The following CDH10 variants were observed in gnomAD, a reference collection of about 807,000 sequenced individuals.
The protein encoded by CDH10 is cadherin-10.
CDH10 carries 30 observed loss-of-function variants against 73.1 expected under a neutral mutation model. That is an observed-to-expected ratio of 0.41 (90% CI 0.31 to 0.56). The LOEUF (loss-of-function observed/expected upper bound fraction) is 0.56. Ranked by LOEUF, CDH10 falls within the 20% of genes least tolerant of loss-of-function variation. The pLI is 0.27. For synonymous variants in CDH10, 345 were observed against 348.2 expected, an observed-to-expected ratio of 0.99 and a Z score of 0.10; for missense variants, 815 against 973.7, an observed-to-expected ratio of 0.84 and a Z score of 2.17.
At chr5:24,516,904 AC>A (rs1267719596) in intron 5 of CDH10, among the ~76,000 whole-genome samples, 1 of 151,926 alleles carries the variant, frequency 6.6e-6, no homozygotes, top group Non-Finnish European at 1.5e-5. Context: ...TTAAAAAAAT[AC>A]ATAACTCTTG....
intron 2 of CDH10, among the ~76,000 whole-genome samples, chr5:24,583,967 T>G (rs1374290261): frequency 6.6e-6 from 1 of 152,142 alleles, no homozygotes; most frequent in Non-Finnish European, 1.5e-5. Flanking sequence ...TAATGGCGAA[T>G]GAGGTATAAT....
At chr5:24,523,361 T>C (rs11952664) in intron 5 of CDH10, among the ~76,000 whole-genome samples, 52,678 of 151,878 alleles carry the variant, frequency 0.35, 11,155 homozygotes, top group Non-Finnish European at 0.48. Context: ...TACACACACA[T>C]AGGCATACAT....
chr5:24,551,154 G>A (rs1380760853), intron 2 of CDH10, among the ~76,000 whole-genome samples: 30 of 152,010 alleles, frequency 2.0e-4, no homozygotes, highest in Non-Finnish European at 2.9e-5. Context: ...GCCTAAACTG[G>A]CCTTTCTGTT....
intron 5 of CDH10, among the ~76,000 whole-genome samples, chr5:24,521,607 T>G (rs140447368): frequency 0.015 from 2,212 of 151,550 alleles, 53 homozygotes; most frequent in African/African-American, 0.047. Flanking sequence ...AGTGAAACTC[T>G]GTCTCAAAAA....
chr5:24,613,873 T>C (rs1172074870), intron 1 of CDH10, among the ~76,000 whole-genome samples: 1 of 152,170 alleles, frequency 6.6e-6, no homozygotes, highest in African/African-American at 2.4e-5. Context: ...TATTCTATGT[T>C]CTATGTATTT....
intron 1 of CDH10, among the ~76,000 whole-genome samples, chr5:24,632,828 T>C (rs17521772): frequency 0.029 from 4,450 of 152,002 alleles, 87 homozygotes; most frequent in Middle Eastern, 0.078. Context: ...CATGGTATCC[T>C]GTAATTGTGA....
intron 1 of CDH10, among the ~76,000 whole-genome samples, chr5:24,643,307 T>A (rs1245126664): frequency 6.6e-6 from 1 of 152,100 alleles, no homozygotes; most frequent in East Asian, 1.9e-4. Flanking sequence ...GACATAATGT[T>A]TTCATGAAAG....
At chr5:24,514,695 TAA>T (rs1283022561) in intron 5 of CDH10, among the ~76,000 whole-genome samples, 31 of 152,304 alleles carry the variant, frequency 2.0e-4, no homozygotes, top group Non-Finnish European at 4.4e-5. Flanking sequence ...ATTTGGTGTA[TAA>T]AGTCTTATAA....
At chr5:24,611,007 C>T (rs181376268) in intron 1 of CDH10, among the ~76,000 whole-genome samples, 2 of 152,284 alleles carry the variant, frequency 1.3e-5, no homozygotes, top group Admixed American at 6.5e-5. Flanking sequence ...ACGCCAAACA[C>T]ATTTATGCAT....
intron 2 of CDH10, among the ~76,000 whole-genome samples, chr5:24,544,434 G>C (rs879122439): frequency 1.3e-5 from 2 of 152,194 alleles, no homozygotes; most frequent in Non-Finnish European, 1.5e-5. Flanking sequence ...TCGGGGACCA[G>C]AGGCAAGTTT....
intron 1 of CDH10, chr5:24,609,896 C>CGGAT (rs1746887615): frequency 6.6e-6 from 1 of 152,288 alleles, no homozygotes; most frequent in East Asian, 1.9e-4. Flanking sequence ...CACTGCCTGT[C>CGGAT]GGATGTTCAT....
intron 1 of CDH10, among the ~76,000 whole-genome samples, chr5:24,616,613 A>G (rs1747137780): frequency 6.6e-6 from 1 of 152,192 alleles, no homozygotes; most frequent in Admixed American, 6.5e-5. Flanking sequence ...GAATTCTACA[A>G]TCAATTGTTC....
At chr5:24,548,109 G>C (rs903763760) in intron 2 of CDH10, among the ~76,000 whole-genome samples, 7 of 152,060 alleles carry the variant, frequency 4.6e-5, no homozygotes, top group Admixed American at 1.3e-4. Context: ...CACCACATGG[G>C]AACCTCAGCA....
intron 2 of CDH10, among the ~76,000 whole-genome samples, chr5:24,559,406 T>A (rs941156214): frequency 1.2e-4 from 19 of 152,034 alleles, no homozygotes; most frequent in African/African-American, 2.9e-4. Flanking sequence ...ATTATCTTTT[T>A]AATCCAACTG....
intron 5 of CDH10, among the ~76,000 whole-genome samples, chr5:24,531,561 T>C (rs2111860954): frequency 6.6e-6 from 1 of 152,120 alleles, no homozygotes; most frequent in East Asian, 1.9e-4. Flanking sequence ...AGGAGCAAAG[T>C]CACGTCTTAC....
chr5:24,500,337 G>C (rs1007268669), intron 8 of CDH10, among the ~76,000 whole-genome samples: 1 of 152,162 alleles, frequency 6.6e-6, no homozygotes, highest in African/African-American at 2.4e-5. Flanking sequence ...AGACAGAATC[G>C]AAGTGTATTT....
intron 2 of CDH10, among the ~76,000 whole-genome samples, chr5:24,545,765 G>A (rs1226427594): frequency 6.6e-6 from 1 of 151,624 alleles, no homozygotes; most frequent in Admixed American, 6.6e-5. Context: ...GTTACAGTGA[G>A]GTATGATCCT....
intron 1 of CDH10, chr5:24,609,819 C>T (rs980012780): frequency 4.7e-4 from 71 of 152,258 alleles, no homozygotes; most frequent in African/African-American, 1.7e-3. Context: ...TGATACTCTC[C>T]TAATTCCCCA....
At chr5:24,527,587 C>G (rs1743580370) in intron 5 of CDH10, among the ~76,000 whole-genome samples, 1 of 151,868 alleles carries the variant, frequency 6.6e-6, no homozygotes, top group Non-Finnish European at 1.5e-5. Flanking sequence ...CCTACTGCTC[C>G]TAGGCTACAA....
Sources: gnomAD v4.1 joint callset for allele counts (sites outside exome capture counted in the v4.1 genomes callset) on GRCh38, gnomAD v4.1.1 for gene constraint, MANE v1.5 for transcripts, NCBI Gene and HGNC (gene_info 2026-07-23, HGNC 2026-07-21) for gene names.